The following CMTM8 variants were observed in gnomAD, a reference collection of about 807,000 sequenced individuals.
The protein encoded by CMTM8 is CKLF-like MARVEL transmembrane domain-containing protein 8.
Under a neutral mutation model 18.6 loss-of-function variants are expected in CMTM8, and 12 were observed. That is an observed-to-expected ratio of 0.65 (90% confidence interval 0.41 to 1.05). The LOEUF (loss-of-function observed/expected upper bound fraction) is 1.05, where lower values mean the gene tolerates loss of function less well. CMTM8 is among the 50% of genes least tolerant of loss of function. The probability of loss-of-function intolerance (pLI) is 0.00; values close to 1 mark genes in which losing one functional copy is unlikely to be tolerated. For synonymous variants in CMTM8, 87 were observed against 90.6 expected (o/e 0.96, Z 0.23); for missense variants, 217 against 227.2 (o/e 0.95, Z 0.29).
chr3:32,272,342 A>G (rs905859451), intron 1 of CMTM8, among the ~76,000 whole-genome samples: 1 of 152,142 alleles, frequency 6.6e-6, no homozygotes, highest in Non-Finnish European at 1.5e-5. Flanking sequence ...AGATCTAATT[A>G]CTACTCTTTC....
intron 1 of CMTM8, among the ~76,000 whole-genome samples, chr3:32,265,185 T>C (rs1389340571): frequency 1.3e-5 from 2 of 152,124 alleles, no homozygotes; most frequent in Non-Finnish European, 2.9e-5. Context: ...TACTCCAAAA[T>C]TGACCACATA....
At position 32,239,120 on chromosome 3, in the gene CMTM8, G is replaced by A; in HGVS notation, c.147+1G>A. 1.3e-6 allele frequency: 2 copies of A among 1,596,600 alleles called. No individual in the cohort carries two copies. Among genetic ancestry groups the A allele is most frequent in the Non-Finnish European group, 1.7e-6 (2 of 1,172,310 alleles). On this transcript the variant is annotated splice_donor_variant, in intron 1 of 3. Transcript: ENST00000307526. LOFTEE classifies it high-confidence loss of function. ...CGGCTTCCTCATCGTGGCCGAGATC[G>A]TGAGTGCCGACGGGCCGGGGGTGGC...
intron 1 of CMTM8, among the ~76,000 whole-genome samples, chr3:32,283,836 C>T (rs1474979523): frequency 1.3e-5 from 2 of 152,184 alleles, no homozygotes; most frequent in African/African-American, 2.4e-5. Context: ...AAACAGTGCT[C>T]TAGGTGTGTT....
intron 1 of CMTM8, among the ~76,000 whole-genome samples, chr3:32,341,742 T>G (rs1409304984): frequency 1.3e-5 from 2 of 151,270 alleles, no homozygotes; most frequent in Non-Finnish European, 2.9e-5. Flanking sequence ...CCAGGTGTGG[T>G]GTCATGTGCT....
chr3:32,254,434 C>T (rs1702152274), intron 1 of CMTM8, among the ~76,000 whole-genome samples: 1 of 152,030 alleles, frequency 6.6e-6, no homozygotes, highest in African/African-American at 2.4e-5. Context: ...TATACCCAGT[C>T]TGAGAACGTG....
chr3:32,252,919 T>C (rs1702132194), intron 1 of CMTM8, among the ~76,000 whole-genome samples: 1 of 152,246 alleles, frequency 6.6e-6, no homozygotes, highest in Non-Finnish European at 1.5e-5. Context: ...TTATTCTTTA[T>C]TGAGTTAAGG....
chr3:32,280,036 T>A (rs1489141660), intron 1 of CMTM8, among the ~76,000 whole-genome samples: 1 of 117,296 alleles, frequency 8.5e-6, no homozygotes, highest in African/African-American at 3.0e-5. Context: ...GTCAATATAA[T>A]TAGTGATTTT....
intron 1 of CMTM8, among the ~76,000 whole-genome samples, chr3:32,295,618 G>A (rs1332915465): frequency 6.6e-6 from 1 of 152,054 alleles, no homozygotes; most frequent in Non-Finnish European, 1.5e-5. Context: ...TTGTTAAGTT[G>A]AGGAACTGTA....
chr3:32,321,810 G>T (rs796827715), intron 1 of CMTM8, among the ~76,000 whole-genome samples: 28 of 152,200 alleles, frequency 1.8e-4, no homozygotes, highest in African/African-American at 6.5e-4. Flanking sequence ...TGTTGCCCAG[G>T]TTTGTCTTAA....
At chr3:32,324,292 G>A (rs1007441352) in intron 1 of CMTM8, among the ~76,000 whole-genome samples, 1 of 152,050 alleles carries the variant, frequency 6.6e-6, no homozygotes, top group Admixed American at 6.6e-5. Context: ...TTCCAGTCTG[G>A]TAGCTGAATC....
intron 1 of CMTM8, among the ~76,000 whole-genome samples, chr3:32,282,086 G>C (rs1197973579): frequency 6.6e-6 from 1 of 152,080 alleles, no homozygotes; most frequent in Non-Finnish European, 1.5e-5. Context: ...CTGGATCCCA[G>C]ATTTGTATCT....
intron 1 of CMTM8, among the ~76,000 whole-genome samples, chr3:32,312,428 A>G (rs1235007735): frequency 1.3e-5 from 2 of 152,138 alleles, no homozygotes; most frequent in African/African-American, 4.8e-5. Flanking sequence ...AACTCAGGAA[A>G]CACATTTACT....
intron 1 of CMTM8, among the ~76,000 whole-genome samples, chr3:32,289,051 A>G (rs1313373725): frequency 6.6e-6 from 1 of 152,214 alleles, no homozygotes; most frequent in Non-Finnish European, 1.5e-5. Flanking sequence ...GGGGCCAGGA[A>G]GGCAGAATAT....
intron 2 of CMTM8, among the ~76,000 whole-genome samples, chr3:32,367,416 G>C (rs1697059742): frequency 1.3e-5 from 2 of 152,188 alleles, no homozygotes; most frequent in African/African-American, 4.8e-5. Context: ...GGAATGGGGG[G>C]TTAGGGAATC....
At chr3:32,245,250 C>T (rs752351889) in intron 1 of CMTM8, among the ~76,000 whole-genome samples, 2 of 152,192 alleles carry the variant, frequency 1.3e-5, no homozygotes, top group African/African-American at 4.8e-5. Context: ...TTACTAAGAA[C>T]CTGACTTCCT....
intron 2 of CMTM8, among the ~76,000 whole-genome samples, chr3:32,363,087 G>A (rs17029933): frequency 0.025 from 3,867 of 152,328 alleles, 68 homozygotes; most frequent in East Asian, 0.098. Context: ...TTTGAGATGG[G>A]TGAGACTTGT....
intron 1 of CMTM8, among the ~76,000 whole-genome samples, chr3:32,273,078 AT>A (rs1391234670): frequency 6.6e-6 from 1 of 151,914 alleles, no homozygotes; most frequent in Admixed American, 6.6e-5. Context: ...GATGGGTATA[AT>A]TAAAAAGACA....
At chr3:32,297,876 A>G (rs967109440) in intron 1 of CMTM8, among the ~76,000 whole-genome samples, 7 of 151,874 alleles carry the variant, frequency 4.6e-5, no homozygotes, top group African/African-American at 1.4e-4. Flanking sequence ...TGTTAATTTA[A>G]GGACTTGAAG....
At chr3:32,324,484 G>T (rs540771767) in intron 1 of CMTM8, among the ~76,000 whole-genome samples, 96 of 152,298 alleles carry the variant, frequency 6.3e-4, no homozygotes, top group Admixed American at 2.7e-3. Flanking sequence ...TGCTGATTTC[G>T]TGTAATTATC....
Sources: allele counts gnomAD v4.1 joint callset (sites outside exome capture counted in the v4.1 genomes callset), GRCh38; gene constraint gnomAD v4.1.1; transcripts MANE v1.5; gene names NCBI Gene and HGNC (gene_info 2026-07-23, HGNC 2026-07-21).